LRRC28: variants seen among roughly 807,000 people sequenced by gnomAD.
LRRC28 encodes the protein leucine-rich repeat-containing protein 28.
In LRRC28, 39 loss-of-function variants were observed where a neutral mutation model predicts 45.7. The observed-to-expected ratio is 0.85, with a 90% CI of 0.66 to 1.12. LRRC28 has a LOEUF of 1.12. Among genes scored for constraint, LRRC28 ranks in the 50% most tolerant of loss-of-function variants. LRRC28 has a pLI of 0.00. For synonymous variants in LRRC28, 206 were observed against 178.8 expected, an observed-to-expected ratio of 1.15 and a Z score of -1.22; for missense variants, 435 against 438.5, an observed-to-expected ratio of 0.99 and a Z score of 0.07.
chr15:99,358,705 G>A (rs747208881), intron 7 of LRRC28, among the ~76,000 whole-genome samples: 2 of 149,446 alleles, frequency 1.3e-5, no homozygotes, highest in East Asian at 3.9e-4. Flanking sequence ...AATGCTACCC[G>A]TATTATTTTT....
At chr15:99,307,694 G>A (rs1835225897) in intron 5 of LRRC28, among the ~76,000 whole-genome samples, 1 of 152,112 alleles carries the variant, frequency 6.6e-6, no homozygotes, top group Non-Finnish European at 1.5e-5. Context: ...ATGAAGACTG[G>A]CTCATTGTTC....
At chr15:99,373,264 T>G (rs1346937503) in intron 9 of LRRC28, among the ~76,000 whole-genome samples, 3 of 152,236 alleles carry the variant, frequency 2.0e-5, no homozygotes, top group African/African-American at 7.2e-5. Context: ...ATGCACTTTT[T>G]ATGTCTGTGG....
At chr15:99,339,136 G>A (rs1296516873) in intron 6 of LRRC28, among the ~76,000 whole-genome samples, 1 of 152,198 alleles carries the variant, frequency 6.6e-6, no homozygotes, top group Non-Finnish European at 1.5e-5. Context: ...GAAAGTGTAG[G>A]GAGATATAAA....
intron 1 of LRRC28, among the ~76,000 whole-genome samples, chr15:99,254,365 TAATAA>T (rs1322951901): frequency 6.6e-6 from 1 of 152,224 alleles, no homozygotes; most frequent in African/African-American, 2.4e-5. Flanking sequence ...AATTTGAAAA[TAATAA>T]AATATAGCCA....
chr15:99,297,928 ATG>A (rs534966526), intron 5 of LRRC28, among the ~76,000 whole-genome samples: 32 of 152,206 alleles, frequency 2.1e-4, no homozygotes, highest in African/African-American at 7.7e-4. Flanking sequence ...TTTCTGAACG[ATG>A]TGTCCTTCTC....
intron 2 of LRRC28, among the ~76,000 whole-genome samples, chr15:99,265,817 G>A (rs2081318129): frequency 6.6e-6 from 1 of 152,108 alleles, no homozygotes; most frequent in Non-Finnish European, 1.5e-5. Flanking sequence ...AAGAAAAAAG[G>A]CCACAAGAGA....
chr15:99,372,242 G>A (rs756036536), intron 9 of LRRC28, among the ~76,000 whole-genome samples: 3 of 152,126 alleles, frequency 2.0e-5, no homozygotes, highest in Non-Finnish European at 2.9e-5. Flanking sequence ...ATTGTGATTC[G>A]TTCTTTTAAG....
intron 2 of LRRC28, chr15:99,259,389 C>T: frequency 6.4e-7 from 1 of 1,556,390 alleles, no homozygotes; most frequent in Non-Finnish European, 8.9e-7. Context: ...CAGAATGTTG[C>T]CAAGGAAGGA....
At chr15:99,262,442 C>T (rs1199801342) in intron 2 of LRRC28, among the ~76,000 whole-genome samples, 1 of 151,992 alleles carries the variant, frequency 6.6e-6, no homozygotes, top group Non-Finnish European at 1.5e-5. Context: ...ATTAGCTAGG[C>T]ATGGTGGTGC....
intron 5 of LRRC28, among the ~76,000 whole-genome samples, chr15:99,296,512 G>A (rs767236722): frequency 6.6e-6 from 1 of 152,090 alleles, no homozygotes; most frequent in Non-Finnish European, 1.5e-5. Context: ...CATCAGTCTG[G>A]TAAAATAACT....
rs1378065039 is a variant in LRRC28, at chr15:99,334,065, C to T, written c.528C>T (p.Leu176=). ...RNRLWYVPRH[L]CQLPSLNELS... ...GTCTATGGTATGTGCCGCGCCATCT[C>T]TGCCAGCTGCCCAGCCTCAATGAGC... is the stretch of plus-strand genomic sequence containing the variant. Residue 176 remains leucine, a synonymous_variant, in exon 6 of 10, where the codon CTC becomes CTT. Coordinates refer to ENST00000301981, the MANE Select transcript of LRRC28 (RefSeq NM_144598.5). 1.2e-6 allele frequency: 2 copies of T among 1,614,142 alleles called. No homozygotes were observed. The highest frequency in any genetic ancestry group is 1.7e-6 in the Non-Finnish European group (2 of 1,180,002).
In LRRC28 at chr15:99,363,254, G is replaced by A; in HGVS notation, c.1020G>A (p.Gly340=). The A allele has an allele frequency of 6.2e-7, 1 of 1,613,916 alleles. No homozygotes were observed. Among genetic ancestry groups the A allele is most frequent in the East Asian group, 2.2e-5 (1 of 44,884 alleles). The change falls in exon 9 of 10, where the codon GGG becomes GGA. Residue 340 remains glycine, a synonymous_variant. Transcript: ENST00000301981. ...LFPLRETPMA[G]LHQWKTTVSF... ...CCTTGAGAGAGACGCCAATGGCAGG[G>A]CTGCACCAGTGGTAATCATGCCTAA... is the stretch of plus-strand genomic sequence containing the variant.
chr15:99,291,133 TTAATAAC>T (rs1189308620), intron 5 of LRRC28, among the ~76,000 whole-genome samples: 1 of 152,248 alleles, frequency 6.6e-6, no homozygotes, highest in Non-Finnish European at 1.5e-5. Flanking sequence ...TGACTGCTTC[TTAATAAC>T]CAGTGAAGGG....
At chr15:99,271,892 C>T (rs529581923) in intron 2 of LRRC28, among the ~76,000 whole-genome samples, 33 of 152,318 alleles carry the variant, frequency 2.2e-4, no homozygotes, top group African/African-American at 7.7e-4. Context: ...AGCCACTGCA[C>T]CTGGCCAGTG....
At chr15:99,322,895 A>G (rs1955848048) in intron 5 of LRRC28, among the ~76,000 whole-genome samples, 1 of 152,178 alleles carries the variant, frequency 6.6e-6, no homozygotes. Flanking sequence ...TGTGGAAAGA[A>G]CCAGGCTACT....
intron 2 of LRRC28, chr15:99,258,550 C>A: frequency 1.4e-6 from 1 of 736,622 alleles, no homozygotes; most frequent in Non-Finnish European, 2.5e-6. Context: ...GATGAAGCTG[C>A]AGTAGAGGAA....
chr15:99,307,348 C>T (rs1297900808), intron 5 of LRRC28, among the ~76,000 whole-genome samples: 2 of 152,152 alleles, frequency 1.3e-5, no homozygotes, highest in Non-Finnish European at 2.9e-5. Flanking sequence ...AGTAAGATTT[C>T]CCATCCCATA....
intron 9 of LRRC28, among the ~76,000 whole-genome samples, chr15:99,374,996 C>T (rs937308045): frequency 6.6e-6 from 1 of 152,136 alleles, no homozygotes; most frequent in African/African-American, 2.4e-5. Flanking sequence ...AGGGAAAACA[C>T]TCAGTGTTTC....
chr15:99,257,934 AG>A (rs1476521711), intron 2 of LRRC28: 2 of 771,030 alleles, frequency 2.6e-6, no homozygotes, highest in Non-Finnish European at 4.8e-6. Context: ...GATTTTCCTT[AG>A]AGAACTGATT....
Sources: allele counts gnomAD v4.1 joint callset (sites outside exome capture counted in the v4.1 genomes callset), GRCh38; gene constraint gnomAD v4.1.1; transcripts MANE v1.5; gene names NCBI Gene and HGNC (gene_info 2026-07-23, HGNC 2026-07-21).